The following NLK variants were observed in gnomAD, a reference collection of about 807,000 sequenced individuals.
The protein encoded by NLK is serine/threonine-protein kinase NLK.
NLK carries 11 observed loss-of-function variants against 59.0 expected under a neutral mutation model. The ratio of observed to expected loss-of-function variants is 0.19; its 90% CI spans 0.12 to 0.31. The LOEUF (loss-of-function observed/expected upper bound fraction) is 0.31. NLK is among the 10% of genes least tolerant of loss of function. The probability of loss-of-function intolerance (pLI) is 1.00; values close to 1 mark genes in which losing one functional copy is unlikely to be tolerated. For synonymous variants in NLK, 235 were observed against 235.9 expected, an observed-to-expected ratio of 1.00 and a Z score of 0.03; for missense variants, 410 against 661.1, an observed-to-expected ratio of 0.62 and a Z score of 4.16.
At chr17:28,148,364 G>A (rs1213131523) in intron 3 of NLK, among the ~76,000 whole-genome samples, 2 of 150,846 alleles carry the variant, frequency 1.3e-5, no homozygotes, top group Admixed American at 1.3e-4. Context: ...TAAAAAATAT[G>A]AGGGGATATG....
intron 1 of NLK, among the ~76,000 whole-genome samples, chr17:28,056,099 T>G (rs1046861579): frequency 6.6e-6 from 1 of 152,256 alleles, no homozygotes; most frequent in Non-Finnish European, 1.5e-5. Context: ...GTGTATTGTT[T>G]ACAAGACTTT....
chr17:28,081,668 GT>G (rs1910351208), intron 1 of NLK, among the ~76,000 whole-genome samples: 1 of 152,134 alleles, frequency 6.6e-6, no homozygotes, highest in Non-Finnish European at 1.5e-5. Context: ...GGCCAATGAC[GT>G]GTACACTGGG....
At chr17:28,188,592 C>T (rs1040341099) in intron 8 of NLK, among the ~76,000 whole-genome samples, 2 of 152,186 alleles carry the variant, frequency 1.3e-5, no homozygotes, top group African/African-American at 4.8e-5. Context: ...ATTCTCCTGC[C>T]TCAGCCTCCT....
intron 1 of NLK, chr17:28,061,922 CATAT>C (rs1186998203): frequency 1.5e-5 from 2 of 134,896 alleles, no homozygotes; most frequent in African/African-American, 2.8e-5. Flanking sequence ...CATATATATA[CATAT>C]ATATATATAT....
chr17:28,060,873 G>A (rs898086823), intron 1 of NLK, among the ~76,000 whole-genome samples: 2 of 152,140 alleles, frequency 1.3e-5, no homozygotes, highest in African/African-American at 4.8e-5. Flanking sequence ...ACGCTCTTTG[G>A]AGCAATCATT....
intron 4 of NLK, among the ~76,000 whole-genome samples, chr17:28,162,953 A>C (rs1908075621): frequency 6.6e-6 from 1 of 152,136 alleles, no homozygotes; most frequent in Admixed American, 6.5e-5. Context: ...AGAAAAACGC[A>C]CACAAAAAGG....
chr17:28,158,983 A>T (rs1907896237), intron 3 of NLK, among the ~76,000 whole-genome samples: 1 of 152,200 alleles, frequency 6.6e-6, no homozygotes, highest in African/African-American at 2.4e-5. Flanking sequence ...CATCAACGAA[A>T]CATCATTATA....
At position 28,153,753 on chromosome 17, in the gene NLK, C is replaced by T. The variant is rs547375080; in HGVS notation, c.645-7407C>T. On this transcript the variant is annotated intron_variant, in intron 3 of 10. Coordinates refer to ENST00000407008, the MANE Select transcript of NLK (RefSeq NM_016231.5). ...CTTGACAATTCTGGAACCAGTGCAA[C>T]TCAAGAATATTGGGACTTCTGATTA... Among the ~76,000 whole-genome samples the T allele has an allele frequency of 2.0e-5, 3 of 152,250 alleles. No individual in the cohort carries two copies. In the South Asian group the frequency reaches 6.2e-4, roughly 32 times the overall value.
chr17:28,043,407 G>A (rs1215969084), intron 1 of NLK, 76 bp downstream of exon 1: 4 of 1,274,020 alleles, frequency 3.1e-6, no homozygotes, highest in East Asian at 2.4e-5. Flanking sequence ...ATCTCTAATG[G>A]TTGTCTCCAT....
chr17:28,085,023 G>A (rs1275176498), intron 1 of NLK, among the ~76,000 whole-genome samples: 2 of 152,154 alleles, frequency 1.3e-5, no homozygotes, highest in African/African-American at 2.4e-5. Context: ...TTCTATTGTG[G>A]CCCTTCCTAA....
chr17:28,047,942 T>C, intron 1 of NLK: 1 of 398,410 alleles, frequency 2.5e-6, no homozygotes. Flanking sequence ...TACTGAGAAG[T>C]TTCTCCACTA....
At chr17:28,109,181 A>AG (rs2142800388) in intron 1 of NLK, among the ~76,000 whole-genome samples, 1 of 152,274 alleles carries the variant, frequency 6.6e-6, no homozygotes, top group East Asian at 1.9e-4. Context: ...ACAAAAGAAA[A>AG]AAAAAAAAAA....
chr17:28,130,983 A>C (rs760560963), intron 2 of NLK, among the ~76,000 whole-genome samples: 5 of 152,156 alleles, frequency 3.3e-5, no homozygotes, highest in Non-Finnish European at 4.4e-5. Context: ...CAAAATTCTA[A>C]ATATAAACAT....
chr17:28,045,627 G>A (rs1337040547), intron 1 of NLK, among the ~76,000 whole-genome samples: 1 of 152,132 alleles, frequency 6.6e-6, no homozygotes, highest in East Asian at 1.9e-4. Flanking sequence ...GTTTTAGTAT[G>A]CAAATGCTTT....
chr17:28,117,071 A>C (rs529636477), intron 1 of NLK, among the ~76,000 whole-genome samples: 2 of 152,310 alleles, frequency 1.3e-5, no homozygotes, highest in Admixed American at 6.5e-5. Flanking sequence ...TAGACTTGGC[A>C]GACTGGGCTG....
chr17:28,183,902 C>T (rs1909013477), intron 7 of NLK, among the ~76,000 whole-genome samples: 1 of 152,156 alleles, frequency 6.6e-6, no homozygotes, highest in Admixed American at 6.5e-5. Flanking sequence ...AGTCTCTAAA[C>T]ATTTTTTGTC....
intron 1 of NLK, among the ~76,000 whole-genome samples, chr17:28,111,245 G>A (rs1299909780): frequency 6.6e-6 from 1 of 151,776 alleles, no homozygotes; most frequent in Non-Finnish European, 1.5e-5. Context: ...GGAGTGCAGT[G>A]GCGCAATCTC....
At chr17:28,112,679 G>C (rs1367213828) in intron 1 of NLK, among the ~76,000 whole-genome samples, 1 of 152,008 alleles carries the variant, frequency 6.6e-6, no homozygotes, top group Non-Finnish European at 1.5e-5. Context: ...TTTTGGGTTT[G>C]TTTATTTTTA....
intron 6 of NLK, among the ~76,000 whole-genome samples, chr17:28,169,721 C>CTTTTTTTTTTTTTTTTTTTTT (rs1193124964): frequency 6.3e-5 from 7 of 111,620 alleles, no homozygotes; most frequent in African/African-American, 2.4e-4. Flanking sequence ...GCTTCTTCTT[C>CTTTTTTTTTTTTTTTTTTTTT]TTTTTTTTTT....
Sources: gnomAD v4.1 joint callset for allele counts (sites outside exome capture counted in the v4.1 genomes callset) on GRCh38, gnomAD v4.1.1 for gene constraint, MANE v1.5 for transcripts, NCBI Gene and HGNC (gene_info 2026-07-23, HGNC 2026-07-21) for gene names.